MAP2K7: variants seen among roughly 807,000 people sequenced by gnomAD.
MAP2K7 encodes the protein mitogen-activated protein kinase kinase 7.
A neutral mutation model predicts 47.7 loss-of-function variants in MAP2K7; 12 were observed. The ratio of observed to expected loss-of-function variants is 0.25; its 90% CI spans 0.16 to 0.41. MAP2K7 has a LOEUF of 0.41. Among genes scored for constraint, MAP2K7 ranks in the 10% least tolerant of loss-of-function variants. The probability of loss-of-function intolerance (pLI) is 1.00; values close to 1 mark genes in which losing one functional copy is unlikely to be tolerated. For missense variants in MAP2K7, 415 were observed against 600.3 expected (o/e 0.69, Z 3.23); for synonymous variants, 299 against 243.0 (o/e 1.23, Z -2.14).
intron 1 of MAP2K7, chr19:7,905,883 G>C (rs748818671): frequency 6.2e-7 from 1 of 1,609,156 alleles, no homozygotes; most frequent in East Asian, 2.2e-5. Flanking sequence ...ATCGCTGCTT[G>C]GACATCTGCA....
chr19:7,907,510 T>C (rs377214111), intron 1 of MAP2K7, among the ~76,000 whole-genome samples: 2 of 152,292 alleles, frequency 1.3e-5, no homozygotes, highest in East Asian at 3.9e-4. Context: ...TCCGTTCTCT[T>C]TCTCATCCTC....
Position 7,909,861 on chromosome 19 carries a change from C to T in MAP2K7, c.231C>T (p.Leu77=). 6.5e-7 allele frequency: 1 copy of T among 1,536,950 alleles called. No homozygotes were observed. The highest frequency in any genetic ancestry group is 1.2e-5 in the South Asian group (1 of 82,492). ...PPARPRHMLG[L]PSTLFTPRSM... ...CCCGGCCCCGCCACATGCTGGGGCT[C>T]CCGTCAACCCTGTTCACACCCCGCA... The change falls in exon 2 of 11, where the codon CTC becomes CTT. Residue 77 remains leucine (L), a synonymous_variant. Coordinates refer to ENST00000397979, the MANE Select transcript of MAP2K7 (RefSeq NM_145185.4).
chr19:7,911,616 C>T (rs1210423879), intron 9 of MAP2K7, 38 bp downstream of exon 9: 2 of 1,544,490 alleles, frequency 1.3e-6, no homozygotes, highest in Non-Finnish European at 1.7e-6. Context: ...CAGGGACAGC[C>T]CGCTGCTCTG....
In MAP2K7 at chr19:7,909,413, G is replaced by A. The variant is rs1982667919; in HGVS notation, c.125-342G>A. On this transcript the variant is annotated intron_variant, in intron 1 of 10. Coordinates refer to ENST00000397979, the MANE Select transcript of MAP2K7 (RefSeq NM_145185.4). ...GGGCCTGCTTCCTGGGCAGAAGTGGGAGGAAGTGCACACACCTGTCAGGGA... is the reference window on the plus strand; with the variant it reads ...GGGCCTGCTTCCTGGGCAGAAGTGGAAGGAAGTGCACACACCTGTCAGGGA... 2.0e-5 allele frequency among the ~76,000 whole-genome samples: 3 copies of A among 152,220 alleles called. No individual in the cohort carries two copies. The South Asian group carries it at 6.2e-4, about 31-fold the overall frequency.
chr19:7,905,268 C>A (rs974557020), intron 1 of MAP2K7, among the ~76,000 whole-genome samples: 15 of 102,608 alleles, frequency 1.5e-4, no homozygotes, highest in Non-Finnish European at 3.0e-4. Context: ...AAAGGTACCC[C>A]CGTATCTGGG....
Position 7,910,439 on chromosome 19 carries a change from C to G in MAP2K7, c.448-14C>G. The G allele has an allele frequency of 6.2e-7, 1 of 1,604,590 alleles. No individual in the cohort carries two copies. Among genetic ancestry groups the G allele is most frequent in the East Asian group, 2.3e-5 (1 of 44,244 alleles). Reference sequence around the variant, plus strand: ...GGCCGGTGCTGAGGCTCCCTCCTGTCCCTGCCTGTGCAGCAAATGCGGCGC... The same window carrying G: ...GGCCGGTGCTGAGGCTCCCTCCTGTGCCTGCCTGTGCAGCAAATGCGGCGC... On this transcript the variant is annotated splice_polypyrimidine_tract_variant and intron_variant, in intron 4 of 10. Coordinates refer to ENST00000397979, the MANE Select transcript of MAP2K7 (RefSeq NM_145185.4).
rs3066695 is a variant in MAP2K7 at position 7,913,043 on chromosome 19, G to GCT, written c.*637_*638dup. On this transcript the variant is annotated 3_prime_UTR_variant, in exon 11 of 11. Transcript: ENST00000397979. ...CGGCTGGACGGGGCTGCGCGCTCGC[G>GCT]CTCTCTCTCTCTCTCTCTCTCTCTC... The GCT allele has an allele frequency of 0.032, 4,798 of 150,110 alleles. 142 individuals carry two copies. Among genetic ancestry groups the GCT allele is most frequent in the East Asian group, 0.12 (605 of 5,024 alleles). The allele number at this position is 150,110 out of a possible 1,614,324, so 9.3% of individuals were successfully genotyped here.
In MAP2K7 at chr19:7,912,202, C is replaced by T. The variant is rs1341221569; in HGVS notation, c.1125+8C>T. The T allele has an allele frequency of 1.2e-6, 2 of 1,613,970 alleles. No homozygotes were observed. Among genetic ancestry groups the T allele is most frequent in the African/African-American group, 1.3e-5 (1 of 75,070 alleles). ...AAGTATAATAAGCTACTTGTGAGTACCTGAGCCCTCCCAGTCCCCGTCCTG... is the reference window on the plus strand; with the variant it reads ...AAGTATAATAAGCTACTTGTGAGTATCTGAGCCCTCCCAGTCCCCGTCCTG... On this transcript the variant is annotated splice_region_variant and intron_variant, in intron 10 of 10. Coordinates refer to ENST00000397979, the MANE Select transcript of MAP2K7 (RefSeq NM_145185.4).
chr19:7,912,617 C>A lies in MAP2K7; in HGVS notation c.*186C>A. ...CGGGCCTACCAAGCCCCCGCCCTTC[C>A]CACCCCGGGGTCAGCCGGCCGTGTG... On this transcript the variant is annotated 3_prime_UTR_variant, in exon 11 of 11. Coordinates refer to ENST00000397979, the MANE Select transcript of MAP2K7 (RefSeq NM_145185.4). 1 of 696,136 alleles carries A rather than the reference C, an allele frequency of 1.4e-6. No individual in the cohort carries two copies. The highest frequency in any genetic ancestry group is 2.3e-6 in the Non-Finnish European group (1 of 427,490). 43.1% of individuals were successfully genotyped at this position (696,136 alleles called of 1,614,324 possible). A position where few individuals can be genotyped will look rare whatever the true frequency, so the allele number is the denominator to read the frequency against.
Position 7,909,792 on chromosome 19 carries a change from C to T in MAP2K7, c.162C>T (p.Arg54=). 2.6e-6 allele frequency: 4 copies of T among 1,543,208 alleles called. No homozygotes were observed. Among genetic ancestry groups the T allele is most frequent in the Non-Finnish European group, 3.5e-6 (4 of 1,146,372 alleles). ...QLPLANDGGS[R]SPSSESSPQH... ...CGCTGGCCAACGATGGGGGCAGCCGCTCGCCATCCTCAGAGAGCTCCCCGC... is the reference window on the plus strand; with the variant it reads ...CGCTGGCCAACGATGGGGGCAGCCGTTCGCCATCCTCAGAGAGCTCCCCGC... The change falls in exon 2 of 11, where the codon CGC becomes CGT. Residue 54 remains arginine, a synonymous_variant. Transcript: ENST00000397979.
intron 1 of MAP2K7, among the ~76,000 whole-genome samples, chr19:7,909,088 C>T (rs528900432): frequency 4.5e-4 from 68 of 152,338 alleles, no homozygotes; most frequent in Admixed American, 6.5e-4. Flanking sequence ...CCGAGCTCTC[C>T]TCCCAGAGGA....
Position 7,911,592 on chromosome 19 carries a change from T to A in MAP2K7, c.1079+14T>A. 6.4e-7 allele frequency: 1 copy of A among 1,571,876 alleles called. No homozygotes were observed. The highest frequency in any genetic ancestry group is 8.6e-7 in the Non-Finnish European group (1 of 1,156,294). On this transcript the variant is annotated intron_variant, in intron 9 of 10. Transcript: ENST00000397979. ...CGTCAAAGACTGGTGAGAACCTCCC[T>A]CCACTTGGGAGGTCAGGGACAGCCC...
chr19:7,911,995 C>T (rs926470201), intron 9 of MAP2K7, among the ~76,000 whole-genome samples, 154 bp from the exon 10 acceptor site: 2 of 152,178 alleles, frequency 1.3e-5, no homozygotes, highest in African/African-American at 4.8e-5. Context: ...AGTTGCTCCC[C>T]GCTGTCAGCC....
intron 1 of MAP2K7, among the ~76,000 whole-genome samples, chr19:7,905,025 A>G (rs1982356134): frequency 6.7e-6 from 1 of 149,204 alleles, no homozygotes; most frequent in African/African-American, 2.5e-5. Context: ...CGCTTCACAC[A>G]CACCTGGCCT....
chr19:7,908,367 T>G (rs1296076206), intron 1 of MAP2K7, among the ~76,000 whole-genome samples: 1 of 152,106 alleles, frequency 6.6e-6, no homozygotes, highest in Non-Finnish European at 1.5e-5. Context: ...CTGCAGGGGC[T>G]GGCAGGACCA....
chr19:7,910,587 G>A lies in MAP2K7; in HGVS notation c.567+15G>A, dbSNP rs753967486. 121 of 1,613,128 alleles carry A rather than the reference G, an allele frequency of 7.5e-5. No homozygotes were observed. In the East Asian group the frequency reaches 2.0e-3, roughly 27 times the overall value. Reference sequence around the variant, plus strand: ...TCATCACCAACGTGAGTACCTGGCCGCGCCCTGCAGCGTCTCCTCCTCCCT... The same window carrying A: ...TCATCACCAACGTGAGTACCTGGCCACGCCCTGCAGCGTCTCCTCCTCCCT... On this transcript the variant is annotated intron_variant, in intron 5 of 10. Coordinates refer to ENST00000397979, the MANE Select transcript of MAP2K7 (RefSeq NM_145185.4).
chr19:7,912,006 G>T, intron 9 of MAP2K7, 143 bp from the exon 10 acceptor site: 1 of 721,176 alleles, frequency 1.4e-6, no homozygotes, highest in Non-Finnish European at 2.4e-6. Context: ...GCTGTCAGCC[G>T]GGGTCCTGAG....
Position 7,911,315 on chromosome 19 carries a change from C to G in MAP2K7, c.921C>G (p.Ser307Arg). The G allele has an allele frequency of 6.2e-7, 1 of 1,613,444 alleles. No individual in the cohort carries two copies. The highest frequency in any genetic ancestry group is 8.5e-7 in the Non-Finnish European group (1 of 1,179,986). The change falls in exon 8 of 11, where the codon AGC (serine) becomes AGG (arginine). Residue 307 changes from serine (S) to arginine (R), a missense_variant. Ser to Arg is a moderately radical substitution (Grantham distance 110). Around this residue, in one of 3 missense-constraint regions of MAP2K7, gnomAD observed 206 missense variants for 368.8 expected, o/e 0.56. Coordinates refer to ENST00000397979, the MANE Select transcript of MAP2K7 (RefSeq NM_145185.4). ...ATGACATCCGGGCCGACGTATGGAGCCTGGGCATCTCGTTGGTGAGTTGGG... is the reference window on the plus strand; with the variant it reads ...ATGACATCCGGGCCGACGTATGGAGGCTGGGCATCTCGTTGGTGAGTTGGG... ...PDYDIRADVW[S>R]LGISLVELAT...
In MAP2K7 at chr19:7,911,543, C is replaced by T; in HGVS notation, c.1044C>T (p.Gly348=). 2.5e-6 allele frequency: 4 copies of T among 1,605,800 alleles called. No individual in the cohort carries two copies. The highest frequency in any genetic ancestry group is 3.4e-6 in the Non-Finnish European group (4 of 1,175,472). ...EEPPLLPGHM[G]FSGDFQSFVK... ...CCCCGCTTCTGCCCGGACACATGGGCTTCTCGGGGGACTTCCAGTCCTTCG... is the reference window on the plus strand; with the variant it reads ...CCCCGCTTCTGCCCGGACACATGGGTTTCTCGGGGGACTTCCAGTCCTTCG... Residue 348 remains glycine (G), a synonymous_variant, in exon 9 of 11, where the codon GGC becomes GGT. Coordinates refer to ENST00000397979, the MANE Select transcript of MAP2K7 (RefSeq NM_145185.4).
Sources: allele counts gnomAD v4.1 joint callset (sites outside exome capture counted in the v4.1 genomes callset), GRCh38; gene constraint gnomAD v4.1.1; regional missense constraint gnomAD v4.1.1; transcripts MANE v1.5; gene names NCBI Gene and HGNC (gene_info 2026-07-23, HGNC 2026-07-21).